The following LEKR1 variants were observed in gnomAD, a reference collection of about 807,000 sequenced individuals.
LEKR1 encodes protein LEKR1.
LEKR1 carries 59 observed loss-of-function variants against 72.4 expected under a neutral mutation model. The observed-to-expected ratio is 0.82, with a 90% CI of 0.66 to 1.01. LEKR1 has a LOEUF of 1.01. Ranked by LOEUF, LEKR1 falls within the 50% of genes least tolerant of loss-of-function variation. The pLI is 0.00. For synonymous variants in LEKR1, 257 were observed against 263.2 expected, an observed-to-expected ratio of 0.98 and a Z score of 0.23; for missense variants, 728 against 759.2, an observed-to-expected ratio of 0.96 and a Z score of 0.48.
At chr3:156,919,744 A>G (rs1724012802) in intron 3 of LEKR1, among the ~76,000 whole-genome samples, 1 of 152,204 alleles carries the variant, frequency 6.6e-6, no homozygotes, top group Non-Finnish European at 1.5e-5. Context: ...GCCATGATGT[A>G]TTAGATCAAG....
intron 3 of LEKR1, among the ~76,000 whole-genome samples, chr3:156,867,840 A>G (rs1311231551): frequency 6.6e-6 from 1 of 152,088 alleles, no homozygotes; most frequent in African/African-American, 2.4e-5. Context: ...GTTAAATAAT[A>G]TGCTGAGTTA....
At chr3:156,916,584 GT>G (rs770646870) in intron 3 of LEKR1, among the ~76,000 whole-genome samples, 1 of 152,120 alleles carries the variant, frequency 6.6e-6, no homozygotes, top group Non-Finnish European at 1.5e-5. Flanking sequence ...AGGAATAGTA[GT>G]GATTTTTGTA....
chr3:156,850,001 C>A (rs1214745249), intron 2 of LEKR1, among the ~76,000 whole-genome samples: 1 of 151,994 alleles, frequency 6.6e-6, no homozygotes, highest in South Asian at 2.1e-4. Flanking sequence ...ATTTTTGCAA[C>A]CTACTCATCT....
chr3:156,900,486 T>G (rs1007685203), intron 3 of LEKR1, among the ~76,000 whole-genome samples: 2 of 152,216 alleles, frequency 1.3e-5, no homozygotes, highest in African/African-American at 4.8e-5. Context: ...AAGGTGATTT[T>G]TGTGAATCTC....
At chr3:157,031,311 A>G (rs1734591331) in intron 12 of LEKR1, among the ~76,000 whole-genome samples, 2 of 152,150 alleles carry the variant, frequency 1.3e-5, no homozygotes, top group Admixed American at 1.3e-4. Flanking sequence ...TTGGTATATA[A>G]ATGATCACAG....
chr3:156,872,473 CT>C (rs944967673), intron 3 of LEKR1, among the ~76,000 whole-genome samples: 105 of 151,476 alleles, frequency 6.9e-4, no homozygotes, highest in African/African-American at 2.4e-3. Context: ...TATTTCATTC[CT>C]TCTACTTATT....
intron 3 of LEKR1, among the ~76,000 whole-genome samples, chr3:156,912,241 G>A (rs1325778477): frequency 1.3e-5 from 2 of 152,088 alleles, no homozygotes; most frequent in Non-Finnish European, 2.9e-5. Context: ...CCTATCACCT[G>A]AGTAGTGTAC....
At chr3:156,974,446 T>C (rs12634915) in intron 6 of LEKR1, among the ~76,000 whole-genome samples, 76,143 of 151,944 alleles carry the variant, frequency 0.5, 20,659 homozygotes, top group East Asian at 0.73. Flanking sequence ...GTTTCACCCA[T>C]ATTAAAAACG....
At chr3:156,976,920 A>G (rs1031923690) in intron 6 of LEKR1, among the ~76,000 whole-genome samples, 4 of 152,154 alleles carry the variant, frequency 2.6e-5, no homozygotes, top group Admixed American at 2.0e-4. Flanking sequence ...TGGGTCATCT[A>G]CTCTACACCA....
rs549348738 is a variant in LEKR1, at chr3:156,840,356, T to C, written c.48+10979T>C. Reference sequence around the variant, plus strand: ...CGCAGTTCTTTAGTTTTTATGCTGTTCTCTTCCCTGTTAGTTCACATCTGT... The same window carrying C: ...CGCAGTTCTTTAGTTTTTATGCTGTCCTCTTCCCTGTTAGTTCACATCTGT... On this transcript the variant is annotated intron_variant, in intron 2 of 12. Transcript: ENST00000356539. Among the ~76,000 whole-genome samples, 10 of 152,326 alleles carry C rather than the reference T, an allele frequency of 6.6e-5. 1 individual carries two copies. The South Asian group carries it at 2.1e-3, about 32-fold the overall frequency.
chr3:156,881,399 A>G (rs1356373878), intron 3 of LEKR1, among the ~76,000 whole-genome samples: 1 of 152,164 alleles, frequency 6.6e-6, no homozygotes, highest in East Asian at 1.9e-4. Flanking sequence ...TCCCATTCAC[A>G]ATTGCTTCAA....
chr3:157,000,258 T>C (rs546039372), intron 9 of LEKR1, among the ~76,000 whole-genome samples: 2 of 152,120 alleles, frequency 1.3e-5, no homozygotes, highest in African/African-American at 4.8e-5. Context: ...AGAATAAAAA[T>C]AATTCACAAC....
Position 156,982,853 on chromosome 3 carries a change from G to T in LEKR1, c.827+3578G>T, listed in dbSNP as rs537625290. On this transcript the variant is annotated intron_variant, in intron 7 of 12. Coordinates refer to ENST00000356539, the MANE Select transcript of LEKR1 (RefSeq NM_001004316.3). The stretch of plus-strand genomic sequence containing the variant: ...TATATATGAATATGTGTGTGTGTGT[G>T]TGTAGATAGATAGATAGATAGATAG... Among the ~76,000 whole-genome samples, 456 of 137,720 alleles carry T rather than the reference G, an allele frequency of 3.3e-3. 3 individuals carry two copies. Among genetic ancestry groups the T allele is most frequent in the East Asian group, 0.025 (121 of 4,888 alleles). 90.3% of individuals were successfully genotyped at this position (137,720 alleles called of 152,430 possible). A position where few individuals can be genotyped will look rare whatever the true frequency, so the allele number is the denominator to read the frequency against.
chr3:157,004,356 T>C lies in LEKR1; in HGVS notation c.1110-7057T>C, dbSNP rs560251311. Among the ~76,000 whole-genome samples the C allele has an allele frequency of 2.6e-5, 4 of 152,214 alleles. No individual in the cohort carries two copies. The East Asian group carries it at 5.8e-4, about 22-fold the overall frequency. On this transcript the variant is annotated intron_variant, in intron 9 of 12. Transcript: ENST00000356539. Reference sequence around the variant, plus strand: ...AAAAACTGGATGGAATTCCAAGAAGTAGGCAAATTCACAATTATTGTTAAA... The same window carrying C: ...AAAAACTGGATGGAATTCCAAGAAGCAGGCAAATTCACAATTATTGTTAAA...
At chr3:156,899,243 C>CACACATGT (rs1267078808) in intron 3 of LEKR1, among the ~76,000 whole-genome samples, 3 of 43,580 alleles carry the variant, frequency 6.9e-5, no homozygotes, top group Non-Finnish European at 1.3e-4. Context: ...TGTCTATATA[C>CACACATGT]ATATATATAC....
intron 9 of LEKR1, among the ~76,000 whole-genome samples, 172 bp downstream of exon 9, chr3:156,993,449 G>T (rs1314834368): frequency 6.6e-6 from 1 of 151,734 alleles, no homozygotes. Context: ...CAAGTGATTA[G>T]ACTGAAGCTC....
chr3:157,025,620 A>G (rs1033612495), intron 11 of LEKR1, among the ~76,000 whole-genome samples: 2 of 152,204 alleles, frequency 1.3e-5, no homozygotes, highest in Admixed American at 1.3e-4. Context: ...GTCCATTGTG[A>G]ACAACAGGCA....
intron 11 of LEKR1, among the ~76,000 whole-genome samples, chr3:157,027,173 A>G (rs923230833): frequency 3.3e-5 from 5 of 151,872 alleles, no homozygotes; most frequent in African/African-American, 1.2e-4. Flanking sequence ...AATTACATAC[A>G]AATCTTGCTT....
chr3:156,910,457 T>G (rs957225047), intron 3 of LEKR1, among the ~76,000 whole-genome samples: 1 of 152,172 alleles, frequency 6.6e-6, no homozygotes, highest in African/African-American at 2.4e-5. Flanking sequence ...AATTGAATCA[T>G]GGAGGGATTA....
Sources: gnomAD v4.1 joint callset for allele counts (sites outside exome capture counted in the v4.1 genomes callset) on GRCh38, gnomAD v4.1.1 for gene constraint, MANE v1.5 for transcripts, NCBI Gene and HGNC (gene_info 2026-07-23, HGNC 2026-07-21) for gene names.